The following CNOT4 variants were observed in gnomAD, a reference collection of about 807,000 sequenced individuals.
CNOT4 encodes the protein CCR4-associated factor 4.
CNOT4 carries 8 observed loss-of-function variants against 73.8 expected under a neutral mutation model. The observed-to-expected ratio is 0.11, with a 90% CI of 0.06 to 0.20. CNOT4 has a LOEUF of 0.20. CNOT4 is among the 10% of genes least tolerant of loss of function. CNOT4 has a pLI of 1.00. For synonymous variants in CNOT4, 293 were observed against 321.1 expected, an observed-to-expected ratio of 0.91 and a Z score of 0.94; for missense variants, 564 against 883.4, an observed-to-expected ratio of 0.64 and a Z score of 4.58.
chr7:135,378,033 T>TA (rs2129482808), intron 10 of CNOT4, among the ~76,000 whole-genome samples: 1 of 152,346 alleles, frequency 6.6e-6, no homozygotes, highest in South Asian at 2.1e-4. Context: ...TGAGAAGTGT[T>TA]AAGTGACTTT....
chr7:135,362,518 C>A lies in CNOT4; in HGVS notation c.*367G>T, dbSNP rs1794692306. 2.7e-6 allele frequency: 1 copy of A among 363,850 alleles called. No homozygotes were observed. The highest frequency in any genetic ancestry group is 5.2e-6 in the Non-Finnish European group (1 of 190,854). 22.5% of individuals were successfully genotyped at this position (363,850 alleles called of 1,614,324 possible). On this transcript the variant is annotated 3_prime_UTR_variant, in exon 12 of 12. Transcript: ENST00000541284. Reference sequence around the variant, plus strand: ...GCAGTTGATAATGCATTTACTTGAGCTTTCCTATAGATTAATCGTCATTTT... The same window carrying A: ...GCAGTTGATAATGCATTTACTTGAGATTTCCTATAGATTAATCGTCATTTT...
chr7:135,388,600 T>G, intron 10 of CNOT4: 1 of 1,186,764 alleles, frequency 8.4e-7, no homozygotes, highest in African/African-American at 1.6e-5. Context: ...ATTACACTAA[T>G]AAATTATGTT....
intron 1 of CNOT4, among the ~76,000 whole-genome samples, chr7:135,464,257 T>C (rs559522968): frequency 6.6e-6 from 1 of 152,270 alleles, no homozygotes; most frequent in South Asian, 2.1e-4. Context: ...TGCAGTGCTA[T>C]TCACAACAGC....
chr7:135,372,078 A>T (rs1016364280), intron 10 of CNOT4, among the ~76,000 whole-genome samples: 2 of 152,206 alleles, frequency 1.3e-5, no homozygotes, highest in African/African-American at 2.4e-5. Context: ...AAAACAAATG[A>T]CAAAATTGCA....
intron 10 of CNOT4, among the ~76,000 whole-genome samples, chr7:135,373,181 A>G (rs1235293971): frequency 6.6e-6 from 1 of 152,186 alleles, no homozygotes; most frequent in African/African-American, 2.4e-5. Context: ...GATCTGAGGA[A>G]AGTGAAAAAT....
chr7:135,366,876 G>C (rs538953695), intron 10 of CNOT4, among the ~76,000 whole-genome samples: 2 of 152,232 alleles, frequency 1.3e-5, no homozygotes, highest in South Asian at 2.1e-4. Flanking sequence ...ATCTCAGTCC[G>C]GCCATACCTG....
chr7:135,419,115 G>A (rs1004672410), intron 3 of CNOT4, among the ~76,000 whole-genome samples: 10 of 151,914 alleles, frequency 6.6e-5, no homozygotes, highest in Admixed American at 5.2e-4. Context: ...CTCTATCGTT[G>A]GCTCTAATTA....
rs1800350876 is a variant in CNOT4, at chr7:135,453,848, T to TATATA, written c.-92-15430_-92-15426dup. On this transcript the variant is annotated intron_variant, in intron 1 of 11. Coordinates refer to ENST00000541284, the MANE Select transcript of CNOT4 (RefSeq NM_001190850.2). ...ATTTTATATATATATATATATATAT[T>TATATA]ATATATATAGCTGGTACAGCAGCTC... Among the ~76,000 whole-genome samples the TATATA allele has an allele frequency of 2.4e-3, 279 of 116,704 alleles. 1 individual carries two copies. Among genetic ancestry groups the TATATA allele is most frequent in the African/African-American group, 7.6e-3 (251 of 33,028 alleles). 76.6% of individuals were successfully genotyped at this position (116,704 alleles called of 152,430 possible).
intron 10 of CNOT4, chr7:135,384,877 A>G (rs752695649): frequency 6.4e-6 from 4 of 628,684 alleles, no homozygotes; most frequent in Non-Finnish European, 1.1e-5. Context: ...CTGCATACAT[A>G]TTCTTGACAT....
At chr7:135,508,414 T>C (rs1055842504) in intron 1 of CNOT4, among the ~76,000 whole-genome samples, 4 of 152,240 alleles carry the variant, frequency 2.6e-5, no homozygotes, top group Admixed American at 2.6e-4. Flanking sequence ...TTCCACCAAA[T>C]GCATGTATGT....
intron 9 of CNOT4, 128 bp downstream of exon 9, chr7:135,395,506 T>C (rs182312340): frequency 9.6e-7 from 1 of 1,041,876 alleles, no homozygotes; most frequent in African/African-American, 1.6e-5. Flanking sequence ...AGTTTAAATA[T>C]TTGCATTTTT....
intron 10 of CNOT4, among the ~76,000 whole-genome samples, chr7:135,376,306 A>T (rs185126300): frequency 2.0e-5 from 3 of 152,292 alleles, no homozygotes; most frequent in African/African-American, 4.8e-5. Context: ...CTGGAGCTTG[A>T]TGCTATGACA....
intron 10 of CNOT4, among the ~76,000 whole-genome samples, chr7:135,380,124 GA>G (rs1225911560): frequency 1.1e-3 from 160 of 143,118 alleles, no homozygotes; most frequent in African/African-American, 3.4e-3. Flanking sequence ...CTTGATTGGG[GA>G]AAAAAAAAAA....
intron 10 of CNOT4, among the ~76,000 whole-genome samples, chr7:135,366,053 G>A (rs1794896937): frequency 6.6e-6 from 1 of 152,102 alleles, no homozygotes; most frequent in African/African-American, 2.4e-5. Context: ...AAATCCCCCA[G>A]AAATAAAAAG....
At chr7:135,496,329 G>A (rs952824744) in intron 1 of CNOT4, among the ~76,000 whole-genome samples, 1 of 152,208 alleles carries the variant, frequency 6.6e-6, no homozygotes, top group Non-Finnish European at 1.5e-5. Context: ...CTGACCTCAC[G>A]TCATCTGCTC....
At chr7:135,482,680 C>T (rs1421103967) in intron 1 of CNOT4, among the ~76,000 whole-genome samples, 1 of 151,490 alleles carries the variant, frequency 6.6e-6, no homozygotes, top group Non-Finnish European at 1.5e-5. Context: ...ACCAATACCT[C>T]TCATAAAAGT....
intron 1 of CNOT4, among the ~76,000 whole-genome samples, chr7:135,451,001 T>C (rs1232184240): frequency 1.3e-5 from 2 of 151,724 alleles, no homozygotes; most frequent in Admixed American, 6.6e-5. Flanking sequence ...AAAAAAAGAG[T>C]AACATGAATG....
Position 135,460,809 on chromosome 7 carries a change from T to C in CNOT4, c.-92-22386A>G, listed in dbSNP as rs571946094. The stretch of plus-strand genomic sequence containing the variant: ...ATCTATGAAGCACTTATTAAAGCAG[T>C]ACACAATAAGGCAACTTACGCCTGT... On this transcript the variant is annotated intron_variant, in intron 1 of 11. Transcript: ENST00000541284. 4.6e-5 allele frequency among the ~76,000 whole-genome samples: 7 copies of C among 152,288 alleles called. No individual in the cohort carries two copies. The East Asian group carries it at 1.4e-3, about 29-fold the overall frequency.
At chr7:135,418,335 A>T (rs1429031744) in intron 3 of CNOT4, among the ~76,000 whole-genome samples, 4 of 152,346 alleles carry the variant, frequency 2.6e-5, no homozygotes, top group Non-Finnish European at 5.9e-5. Context: ...GTACATCAGC[A>T]CATTATCTAT....
Sources: gnomAD v4.1 joint callset for allele counts (sites outside exome capture counted in the v4.1 genomes callset) on GRCh38, gnomAD v4.1.1 for gene constraint, MANE v1.5 for transcripts, NCBI Gene and HGNC (gene_info 2026-07-23, HGNC 2026-07-21) for gene names.